PPP1R2: variants seen among roughly 807,000 people sequenced by gnomAD.
The protein encoded by PPP1R2 is protein phosphatase inhibitor 2.
Under a neutral mutation model 29.9 loss-of-function variants are expected in PPP1R2, and 16 were observed. The observed-to-expected ratio is 0.53, with a 90% CI of 0.36 to 0.81. The LOEUF is 0.81. PPP1R2 is among the 30% of genes least tolerant of loss of function. The pLI, the probability that PPP1R2 is intolerant of heterozygous loss-of-function variation, is 0.00. For missense variants in PPP1R2, 197 were observed against 252.7 expected (o/e 0.78, Z 1.49); for synonymous variants, 76 against 91.5 (o/e 0.83, Z 0.96).
Position 195,516,698 on chromosome 3 carries a change from C to A in PPP1R2, c.*198G>T. The A allele has an allele frequency of 1.8e-6, 1 of 551,006 alleles. No homozygotes were observed. Among genetic ancestry groups the A allele is most frequent in the Non-Finnish European group, 3.2e-6 (1 of 308,912 alleles). The allele number at this position is 551,006 out of a possible 1,614,324, so 34.1% of individuals were successfully genotyped here. Reference sequence around the variant, plus strand: ...ATTACACTGTATTTGTGGTAAAGTACTAGGCACAAGAATATATATATCGAT... The same window carrying A: ...ATTACACTGTATTTGTGGTAAAGTAATAGGCACAAGAATATATATATCGAT... On this transcript the variant is annotated 3_prime_UTR_variant, in exon 6 of 6. Coordinates refer to ENST00000618156, the MANE Select transcript of PPP1R2 (RefSeq NM_006241.8).
intron 4 of PPP1R2, among the ~76,000 whole-genome samples, chr3:195,521,337 AAG>A: frequency 6.6e-6 from 1 of 150,736 alleles, no homozygotes; most frequent in African/African-American, 2.4e-5. Flanking sequence ...AAAAAAAAAA[AAG>A]AACTGCAATA....
In PPP1R2 at chr3:195,543,051, A is replaced by G. The variant is rs1432004368; in HGVS notation, c.-26T>C. ...TGCCGGGCGCTCCGGCTGTCGGCTC[A>G]GGGTCGCTGCTTGGCGTGGGGTCCG... On this transcript the variant is annotated 5_prime_UTR_variant, in exon 1 of 6. Transcript: ENST00000618156. 34 of 1,590,004 alleles carry G rather than the reference A, an allele frequency of 2.1e-5. No individual in the cohort carries two copies. The highest frequency in any genetic ancestry group is 2.7e-5 in the Non-Finnish European group (32 of 1,169,240).
Position 195,515,217 on chromosome 3 carries a change from T to C in PPP1R2, c.*1679A>G, listed in dbSNP as rs1436306449. ...TTTCTAAATCAGTGGTATTCCTAGC[T>C]GAAATGTTTAGAATACTGCACTCAC... On this transcript the variant is annotated 3_prime_UTR_variant, in exon 6 of 6. Coordinates refer to ENST00000618156, the MANE Select transcript of PPP1R2 (RefSeq NM_006241.8). The C allele has an allele frequency of 1.2e-5, 2 of 160,592 alleles. No homozygotes were observed. Among genetic ancestry groups the C allele is most frequent in the African/African-American group, 4.8e-5 (2 of 41,508 alleles). 9.9% of individuals were successfully genotyped at this position (160,592 alleles called of 1,614,324 possible). A position where few individuals can be genotyped will look rare whatever the true frequency, so the allele number is the denominator to read the frequency against.
At chr3:195,526,009 G>A (rs1426929803) in intron 2 of PPP1R2, among the ~76,000 whole-genome samples, 1 of 151,978 alleles carries the variant, frequency 6.6e-6, no homozygotes, top group Non-Finnish European at 1.5e-5. Context: ...ATATGTACAT[G>A]TATACAGAAG....
intron 5 of PPP1R2, among the ~76,000 whole-genome samples, chr3:195,517,960 T>C (rs180942999): frequency 1.5e-3 from 228 of 152,334 alleles, no homozygotes; most frequent in African/African-American, 5.3e-3. Context: ...TCATATTTAA[T>C]ACTATGCTTA....
chr3:195,524,444 G>A (rs990827165), intron 3 of PPP1R2, among the ~76,000 whole-genome samples: 7 of 152,182 alleles, frequency 4.6e-5, no homozygotes, highest in Non-Finnish European at 8.8e-5. Context: ...AGAATTGCTT[G>A]AACTTGGGAG....
intron 1 of PPP1R2, among the ~76,000 whole-genome samples, chr3:195,531,982 C>T (rs1270508121): frequency 2.6e-5 from 4 of 152,178 alleles, no homozygotes; most frequent in Non-Finnish European, 4.4e-5. Context: ...ACTGGCGTAT[C>T]TCACTAAGCA....
intron 1 of PPP1R2, among the ~76,000 whole-genome samples, chr3:195,532,851 T>C (rs1719240372): frequency 6.6e-6 from 1 of 152,214 alleles, no homozygotes; most frequent in African/African-American, 2.4e-5. Context: ...TAGTCTACTT[T>C]ATCATTTACT....
At chr3:195,531,410 A>G (rs1408017089) in intron 1 of PPP1R2, among the ~76,000 whole-genome samples, 1 of 152,204 alleles carries the variant, frequency 6.6e-6, no homozygotes, top group African/African-American at 2.4e-5. Context: ...GGTATTTTCA[A>G]TTTCCCAGAT....
intron 1 of PPP1R2, among the ~76,000 whole-genome samples, chr3:195,533,620 C>T (rs890343371): frequency 3.9e-5 from 6 of 152,104 alleles, no homozygotes; most frequent in African/African-American, 1.2e-4. Flanking sequence ...TCTGCAACTG[C>T]GGCTGCCCAT....
chr3:195,543,122 T>A lies in PPP1R2; in HGVS notation c.-97A>T. On this transcript the variant is annotated 5_prime_UTR_variant, in exon 1 of 6. Coordinates refer to ENST00000618156, the MANE Select transcript of PPP1R2 (RefSeq NM_006241.8). The stretch of plus-strand genomic sequence containing the variant: ...GCAGAGACTCGCAGGCAGCCGCAGA[T>A]CCCGCTCAGGGCTAAAGCGGCCGCA... The A allele has an allele frequency of 6.9e-7, 1 of 1,448,264 alleles. No homozygotes were observed. The highest frequency in any genetic ancestry group is 1.4e-5 in the South Asian group (1 of 72,016). The allele number at this position is 1,448,264 out of a possible 1,614,324, so 89.7% of individuals were successfully genotyped here.
At position 195,515,137 on chromosome 3, in the gene PPP1R2, T is replaced by C; in HGVS notation, c.*1759A>G. Reference sequence around the variant, plus strand: ...TAATCTCTACATCCCCCAAGACAGATTTAAACAGGTAATCCCAACATTTTA... The same window carrying C: ...TAATCTCTACATCCCCCAAGACAGACTTAAACAGGTAATCCCAACATTTTA... On this transcript the variant is annotated 3_prime_UTR_variant, in exon 6 of 6. Coordinates refer to ENST00000618156, the MANE Select transcript of PPP1R2 (RefSeq NM_006241.8). 2 of 177,070 alleles carry C rather than the reference T, an allele frequency of 1.1e-5. No individual in the cohort carries two copies. Among genetic ancestry groups the C allele is most frequent in the South Asian group, 1.5e-4 (1 of 6,604 alleles). 11.0% of individuals were successfully genotyped at this position (177,070 alleles called of 1,614,324 possible). A position where few individuals can be genotyped will look rare whatever the true frequency, so the allele number is the denominator to read the frequency against.
rs1261710414 is a variant in PPP1R2, at chr3:195,516,959, A to G, written c.572-17T>C. The G allele has an allele frequency of 6.2e-7, 1 of 1,606,752 alleles. No homozygotes were observed. Among genetic ancestry groups the G allele is most frequent in the East Asian group, 2.2e-5 (1 of 44,758 alleles). On this transcript the variant is annotated splice_polypyrimidine_tract_variant and intron_variant, in intron 5 of 5. Coordinates refer to ENST00000618156, the MANE Select transcript of PPP1R2 (RefSeq NM_006241.8). ...GAGTAGATCCTGCAAAGATAAAAGAAAAAGTCAACATAATTTGTTATATGT... is the reference window on the plus strand; with the variant it reads ...GAGTAGATCCTGCAAAGATAAAAGAGAAAGTCAACATAATTTGTTATATGT...
rs182753616 is a variant in PPP1R2 at position 195,528,206 on chromosome 3, C to T, written c.230+1588G>A. 1.5e-4 allele frequency among the ~76,000 whole-genome samples: 23 copies of T among 152,222 alleles called. No homozygotes were observed. The East Asian group carries it at 4.3e-3, about 28-fold the overall frequency. On this transcript the variant is annotated intron_variant, in intron 2 of 5. Transcript: ENST00000618156. ...CATTCTTATGCCTTTGCTTAGCTCC[C>T]GCTTATAAGTGAGAACATACAAGGT...
intron 4 of PPP1R2, among the ~76,000 whole-genome samples, chr3:195,521,807 T>C (rs903603529): frequency 6.6e-6 from 1 of 151,982 alleles, no homozygotes; most frequent in African/African-American, 2.4e-5. Context: ...CCCACCACCA[T>C]GCCTGGCTAA....
At chr3:195,519,213 A>T in intron 4 of PPP1R2, 28 bp from the exon 5 acceptor site, 2 of 1,526,956 alleles carry the variant, frequency 1.3e-6, no homozygotes, top group Non-Finnish European at 1.8e-6. Flanking sequence ...TAAACTTAGG[A>T]AGTTTGAGCT....
chr3:195,516,837 C>T lies in PPP1R2; in HGVS notation c.*59G>A, dbSNP rs1300189280. The T allele has an allele frequency of 7.6e-6, 11 of 1,443,814 alleles. 1 individual carries two copies. The highest frequency in any genetic ancestry group is 4.2e-5 in the African/African-American group (3 of 71,264). The allele number at this position is 1,443,814 out of a possible 1,614,324, so 89.4% of individuals were successfully genotyped here. On this transcript the variant is annotated 3_prime_UTR_variant, in exon 6 of 6. Transcript: ENST00000618156. ...ATGAATTGTGAAGAACAAGAAGCAA[C>T]GTACTATAGTCACAGGGTTTACATC... is the stretch of plus-strand genomic sequence containing the variant.
At chr3:195,529,687 T>A (rs1231643403) in intron 2 of PPP1R2, 107 bp downstream of exon 2, 4 of 758,160 alleles carry the variant, frequency 5.3e-6, no homozygotes, top group Non-Finnish European at 8.2e-6. Flanking sequence ...AGTGCTCCAG[T>A]AACAAATCTA....
chr3:195,536,788 CAAAAAA>C (rs10717955), intron 1 of PPP1R2, among the ~76,000 whole-genome samples: 1 of 72,504 alleles, frequency 1.4e-5, no homozygotes, highest in African/African-American at 5.0e-5. Flanking sequence ...AACTCCGTCT[CAAAAAA>C]AAAAAAAAAA....
Sources: allele counts gnomAD v4.1 joint callset (sites outside exome capture counted in the v4.1 genomes callset), GRCh38; gene constraint gnomAD v4.1.1; transcripts MANE v1.5; gene names NCBI Gene and HGNC (gene_info 2026-07-23, HGNC 2026-07-21).